Variants in RYR2 observed in about 807,000 individuals in gnomAD.
The protein encoded by RYR2 is cardiac muscle ryanodine receptor-calcium release channel.
A neutral mutation model predicts 601.1 loss-of-function variants in RYR2; 227 were observed. The observed-to-expected ratio is 0.38, with a 90% CI of 0.34 to 0.42. The LOEUF is 0.42. Among genes scored for constraint, RYR2 ranks in the 10% least tolerant of loss-of-function variants. The pLI, the probability that RYR2 is intolerant of heterozygous loss-of-function variation, is 1.00. For missense variants in RYR2, 4,646 were observed against 6,156.5 expected, an observed-to-expected ratio of 0.75 and a Z score of 8.21; for synonymous variants, 2,223 against 2,175.1, an observed-to-expected ratio of 1.02 and a Z score of -0.61.
At chr1:237,785,123 T>C in intron 90 of RYR2, 151 bp downstream of exon 90, 1 of 674,318 alleles carries the variant, frequency 1.5e-6, no homozygotes, top group Non-Finnish European at 2.6e-6. Flanking sequence ...TAGACAAAGT[T>C]AGTGTTTTTA....
intron 76 of RYR2, among the ~76,000 whole-genome samples, chr1:237,728,589 A>T (rs1298123740): frequency 6.6e-6 from 1 of 152,120 alleles, no homozygotes; most frequent in African/African-American, 2.4e-5. Flanking sequence ...TACACCATGG[A>T]ATACTATGCA....
intron 1 of RYR2, 139 bp downstream of exon 1, chr1:237,042,708 C>G: frequency 1.2e-6 from 1 of 802,616 alleles, no homozygotes; most frequent in Non-Finnish European, 1.7e-6. Flanking sequence ...GCGGGAGGAG[C>G]GGGCATCACC....
chr1:237,134,151 TC>T lies in RYR2; in HGVS notation c.48+91583del, dbSNP rs1387126978. 1.1e-4 allele frequency among the ~76,000 whole-genome samples: 16 copies of T among 152,272 alleles called. No individual in the cohort carries two copies. In the East Asian group the frequency reaches 2.3e-3, roughly 22 times the overall value. On this transcript the variant is annotated intron_variant, in intron 1 of 104. Transcript: ENST00000366574. The stretch of plus-strand genomic sequence containing the variant: ...TGGGCAGCTTCTGAGACACTGTGGT[TC>T]AGGAAACCTTGAAGTTCCTGGCACA...
Position 237,060,827 on chromosome 1 carries a change from C to T in RYR2, c.48+18258C>T, listed in dbSNP as rs1662745204. ...TCTGGTTTCACTAATAAAAACAAAG[C>T]TGGTACTAATATTCTCAAATATGAA... On this transcript the variant is annotated intron_variant, in intron 1 of 104. Transcript: ENST00000366574. Among the ~76,000 whole-genome samples the T allele has an allele frequency of 2.0e-5, 3 of 152,166 alleles. No homozygotes were observed. In the South Asian group the frequency reaches 6.2e-4, roughly 32 times the overall value.
intron 1 of RYR2, among the ~76,000 whole-genome samples, chr1:237,054,780 G>A (rs1242434419): frequency 6.6e-6 from 1 of 152,166 alleles, no homozygotes; most frequent in African/African-American, 2.4e-5. Flanking sequence ...CCACTACTAT[G>A]CCTCCTAAAG....
At chr1:237,696,741 A>C (rs1432604350) in intron 63 of RYR2, among the ~76,000 whole-genome samples, 1 of 149,934 alleles carries the variant, frequency 6.7e-6, no homozygotes, top group Non-Finnish European at 1.5e-5. Flanking sequence ...TTACTCAGGC[A>C]GAAAACCTTA....
intron 88 of RYR2, among the ~76,000 whole-genome samples, 185 bp downstream of exon 88, chr1:237,778,955 T>C (rs1334075622): frequency 6.6e-6 from 1 of 152,204 alleles, no homozygotes; most frequent in Non-Finnish European, 1.5e-5. Context: ...TAAAAACCGT[T>C]ATGTAACCTG....
chr1:237,344,054 C>A (rs1698074556), intron 3 of RYR2, among the ~76,000 whole-genome samples: 1 of 152,046 alleles, frequency 6.6e-6, no homozygotes, highest in Non-Finnish European at 1.5e-5. Context: ...AACTCCTTAC[C>A]TCAGGTAATC....
chr1:237,374,378 C>T (rs1339400355), intron 6 of RYR2, among the ~76,000 whole-genome samples: 1 of 151,692 alleles, frequency 6.6e-6, no homozygotes, highest in Admixed American at 6.6e-5. Flanking sequence ...AAAAAATTAA[C>T]CAGGTGTAGT....
intron 23 of RYR2, among the ~76,000 whole-genome samples, chr1:237,507,257 G>A (rs2805425): frequency 0.7 from 106,027 of 152,140 alleles, 37,303 homozygotes; most frequent in African/African-American, 0.81. Context: ...CTGTGGGCAA[G>A]TGTTCCTAGT....
chr1:237,383,110 G>A (rs1276462230), intron 8 of RYR2, among the ~76,000 whole-genome samples: 2 of 151,990 alleles, frequency 1.3e-5, no homozygotes, highest in Non-Finnish European at 2.9e-5. Flanking sequence ...TTCTTGGTAC[G>A]AAGTTTTTGT....
intron 17 of RYR2, among the ~76,000 whole-genome samples, chr1:237,472,234 TC>T (rs1002822785): frequency 6.6e-6 from 1 of 152,216 alleles, no homozygotes; most frequent in African/African-American, 2.4e-5. Context: ...TACATATGCA[TC>T]ATTTTTTTCC....
intron 10 of RYR2, among the ~76,000 whole-genome samples, chr1:237,392,026 AAAC>A (rs1329031986): frequency 8.5e-5 from 13 of 152,296 alleles, no homozygotes; most frequent in African/African-American, 2.9e-4. Context: ...CAACTTGTCT[AAAC>A]AACAACAAAA....
chr1:237,301,819 G>T (rs1050336437), intron 2 of RYR2, among the ~76,000 whole-genome samples: 1 of 152,054 alleles, frequency 6.6e-6, no homozygotes, highest in African/African-American at 2.4e-5. Context: ...ACTCTACTGT[G>T]GCTCCCAGAC....
At chr1:237,724,244 ATAAAT>A (rs1363667223) in intron 74 of RYR2, among the ~76,000 whole-genome samples, 1 of 147,958 alleles carries the variant, frequency 6.8e-6, no homozygotes, top group South Asian at 2.1e-4. Flanking sequence ...TTCATAGATG[ATAAAT>A]TAAATTATAT....
intron 88 of RYR2, among the ~76,000 whole-genome samples, chr1:237,780,828 A>G (rs1180723197): frequency 6.6e-6 from 1 of 152,198 alleles, no homozygotes; most frequent in Non-Finnish European, 1.5e-5. Flanking sequence ...TTTATCTTCT[A>G]TGGTGCTTAT....
At chr1:237,488,363 C>T (rs894428251) in intron 17 of RYR2, among the ~76,000 whole-genome samples, 1 of 152,144 alleles carries the variant, frequency 6.6e-6, no homozygotes, top group African/African-American at 2.4e-5. Context: ...ATATGGCATC[C>T]TGAGGGCCTC....
chr1:237,328,802 G>T (rs1441079314), intron 2 of RYR2, among the ~76,000 whole-genome samples: 18 of 152,022 alleles, frequency 1.2e-4, no homozygotes, highest in Admixed American at 1.2e-3. Context: ...CAATGGTAGA[G>T]GTTCAATTTA....
chr1:237,574,861 C>T (rs1256489867), intron 29 of RYR2, among the ~76,000 whole-genome samples: 1 of 152,176 alleles, frequency 6.6e-6, no homozygotes, highest in Non-Finnish European at 1.5e-5. Flanking sequence ...TGATTATATC[C>T]TTGTGAAACC....
Sources: gnomAD v4.1 joint callset for allele counts (sites outside exome capture counted in the v4.1 genomes callset) on GRCh38, gnomAD v4.1.1 for gene constraint, MANE v1.5 for transcripts, NCBI Gene and HGNC (gene_info 2026-07-23, HGNC 2026-07-21) for gene names.